The following APEH variants were observed in gnomAD, a reference collection of about 807,000 sequenced individuals.
The protein encoded by APEH is acylamino-acid-releasing enzyme.
APEH carries 75 observed loss-of-function variants against 102.7 expected under a neutral mutation model. The ratio of observed to expected loss-of-function variants is 0.73; its 90% CI spans 0.61 to 0.89. The LOEUF is 0.89. APEH is among the 40% of genes least tolerant of loss of function. APEH has a pLI of 0.00. For missense variants in APEH, 863 were observed against 941.2 expected (o/e 0.92, Z 1.09); for synonymous variants, 344 against 362.7 (o/e 0.95, Z 0.59).
chr3:49,682,620 T>C lies in APEH; in HGVS notation c.1767T>C (p.Gly589=). 1.2e-6 allele frequency: 2 copies of C among 1,614,124 alleles called. No individual in the cohort carries two copies. Among genetic ancestry groups the C allele is most frequent in the Middle Eastern group, 1.6e-4 (1 of 6,062 alleles). Residue 589 remains glycine (G), a synonymous_variant, in exon 19 of 22, where the codon GGT becomes GGC. Coordinates refer to ENST00000296456, the MANE Select transcript of APEH (RefSeq NM_001640.4). ...TGGCCCTTATGGGTGGTTCCCATGG[T>C]GGCTTCATTTCCTGCCACTTGATTG... is the stretch of plus-strand genomic sequence containing the variant. ...SHVALMGGSH[G]GFISCHLIGQ...
chr3:49,678,462 C>T (rs534899416), intron 11 of APEH, among the ~76,000 whole-genome samples: 1 of 152,278 alleles, frequency 6.6e-6, no homozygotes, highest in East Asian at 1.9e-4. Flanking sequence ...TTTACTGAGC[C>T]CCCTGTGCCA....
chr3:49,682,592 A>G lies in APEH; in HGVS notation c.1739A>G (p.His580Arg). Residue 580 changes from histidine to arginine, a missense_variant, in exon 19 of 22, where the codon CAT becomes CGT. Coordinates refer to ENST00000296456, the MANE Select transcript of APEH (RefSeq NM_001640.4). ...VLQEEHFDAS[H>R]VALMGGSHGG... Reference sequence around the variant, plus strand: ...CAGGAGGAACACTTTGATGCAAGCCATGTGGCCCTTATGGGTGGTTCCCAT... The same window carrying G: ...CAGGAGGAACACTTTGATGCAAGCCGTGTGGCCCTTATGGGTGGTTCCCAT... 6.2e-7 allele frequency: 1 copy of G among 1,614,174 alleles called. No individual in the cohort carries two copies. Among genetic ancestry groups the G allele is most frequent in the South Asian group, 1.1e-5 (1 of 91,086 alleles).
upstream of APEH, among the ~76,000 whole-genome samples, chr3:49,673,195 A>G (rs2052855264): frequency 1.4e-5 from 2 of 147,742 alleles, no homozygotes; most frequent in African/African-American, 5.1e-5. Context: ...TGGACTCTCA[A>G]TCACAAGCAC....
chr3:49,674,228 G>A (rs971026811), upstream of APEH: 24 of 843,272 alleles, frequency 2.8e-5, no homozygotes, highest in Non-Finnish European at 4.2e-5. Context: ...TCCTCTCACC[G>A]TCAAGGCCCG....
chr3:49,673,795 C>CCTCCCCCTCACG (rs2052880568), upstream of APEH, among the ~76,000 whole-genome samples: 1 of 136,980 alleles, frequency 7.3e-6, no homozygotes. Flanking sequence ...CCCGCCCAAC[C>CCTCCCCCTCACG]CTCACCCTCA....
rs148997471 is a variant in APEH at position 49,680,550 on chromosome 3, G to T, written c.1220G>T (p.Gly407Val). The T allele has an allele frequency of 1.1e-4, 185 of 1,614,096 alleles. No homozygotes were observed. The African/African-American group carries it at 2.1e-3, about 19-fold the overall frequency. Residue 407 changes from glycine (G) to valine (V), a missense_variant, in exon 14 of 22, where the codon GGT becomes GTT. Transcript: ENST00000296456. ...CATCTGCCTTTTCCAGGAGGGTCAGGTGGGAGCTGGAAGTTGCTCACAATT... is the reference window on the plus strand; with the variant it reads ...CATCTGCCTTTTCCAGGAGGGTCAGTTGGGAGCTGGAAGTTGCTCACAATT... Reference protein sequence around the residue: ...TVTSLTAGGSGGSWKLLTIDQ... With the variant: ...TVTSLTAGGSVGSWKLLTIDQ...
chr3:49,673,353 C>T (rs1203048263), upstream of APEH, among the ~76,000 whole-genome samples: 1 of 151,998 alleles, frequency 6.6e-6, no homozygotes, highest in Non-Finnish European at 1.5e-5. Context: ...GGGAACCTGC[C>T]TGCCTAGGTT....
intron 16 of APEH, 41 bp downstream of exon 16, chr3:49,681,846 C>T: frequency 6.2e-7 from 1 of 1,610,434 alleles, no homozygotes; most frequent in Non-Finnish European, 8.5e-7. Context: ...TCCCAGCCCT[C>T]TTCCTAGCTG....
At chr3:49,677,152 C>T (rs966872339) in intron 10 of APEH, 128 bp downstream of exon 10, 6 of 1,346,192 alleles carry the variant, frequency 4.5e-6, no homozygotes, top group East Asian at 2.3e-5. Flanking sequence ...AATGCAGCAG[C>T]GGTGTGAGTT....
At position 49,680,638 on chromosome 3, in the gene APEH, C is replaced by T. The variant is rs1051568043; in HGVS notation, c.1299+9C>T. The T allele has an allele frequency of 1.2e-5, 20 of 1,612,488 alleles. No individual in the cohort carries two copies. The East Asian group carries it at 1.3e-4, about 11-fold the overall frequency. On this transcript the variant is annotated intron_variant, in intron 14 of 21. Coordinates refer to ENST00000296456, the MANE Select transcript of APEH (RefSeq NM_001640.4). ...GCCTACCTCCAACCCTGGTGAGTGT[C>T]GGTGGGTCCCAGGCTGTGGAGGCAG... is the stretch of plus-strand genomic sequence containing the variant.
chr3:49,681,692 A>G (rs768638508), intron 15 of APEH, 30 bp from the exon 16 acceptor site: 1 of 1,524,292 alleles, frequency 6.6e-7, no homozygotes, highest in Admixed American at 1.9e-5. Flanking sequence ...CCCTAGGCTC[A>G]CCCTGCTGAC....
At position 49,677,504 on chromosome 3, in the gene APEH, G is replaced by A; in HGVS notation, c.1000-69G>A. On this transcript the variant is annotated intron_variant, in intron 10 of 21. Transcript: ENST00000296456. ...GGCTACCTGAGGCAAAAGGGGATAG[G>A]CACAGGGCACTGTGCCCTAAGGGAA... 2.1e-6 allele frequency: 3 copies of A among 1,408,296 alleles called. No individual in the cohort carries two copies. The South Asian group carries it at 3.5e-5, about 16-fold the overall frequency. The allele number at this position is 1,408,296 out of a possible 1,614,324, so 87.2% of individuals were successfully genotyped here.
In APEH at chr3:49,679,754, C is replaced by T. The variant is rs1282894083; in HGVS notation, c.1210+110C>T. 1.8e-6 allele frequency: 2 copies of T among 1,116,246 alleles called. No individual in the cohort carries two copies. The highest frequency in any genetic ancestry group is 1.5e-5 in the African/African-American group (1 of 64,984). The allele number at this position is 1,116,246 out of a possible 1,614,324, so 69.1% of individuals were successfully genotyped here. A position where few individuals can be genotyped will look rare whatever the true frequency, so the allele number is the denominator to read the frequency against. ...GGGGCAGTGATGGCATTCTCAGCCA[C>T]TCAGCACCACTGACTGTTCCACAGC... On this transcript the variant is annotated intron_variant, in intron 13 of 21. Coordinates refer to ENST00000296456, the MANE Select transcript of APEH (RefSeq NM_001640.4). This position sits in a 1 kb window ranked among gnomAD's most constrained non-coding sequence, Gnocchi z 4.3.
chr3:49,674,293 C>A, upstream of APEH: 1 of 1,387,812 alleles, frequency 7.2e-7, no homozygotes, highest in South Asian at 1.3e-5. Context: ...TCACAGATTG[C>A]CGCAGGGCAG....
rs1433305455 is a variant in APEH, at chr3:49,681,122, G to T, written c.1321G>T (p.Ala441Ser). Residue 441 changes from alanine to serine, a missense_variant, in exon 15 of 22, where the codon GCA becomes TCA. Ala to Ser is a moderately conservative substitution (Grantham distance 99, BLOSUM62 1). Transcript: ENST00000296456. ...GCAGAAAGTTGGGTTCCTGCCTTCT[G>T]CAGGGAAGGAGCAGTCAGTGTTGTG... is the stretch of plus-strand genomic sequence containing the variant. ...PTLKVGFLPS[A>S]GKEQSVLWVS... The T allele has an allele frequency of 2.5e-6, 4 of 1,596,186 alleles. No individual in the cohort carries two copies. Among genetic ancestry groups the T allele is most frequent in the Non-Finnish European group, 3.4e-6 (4 of 1,170,822 alleles).
chr3:49,679,057 A>G lies in APEH; in HGVS notation c.1158+108A>G, dbSNP rs2108123362. On this transcript the variant is annotated intron_variant, in intron 12 of 21. Coordinates refer to ENST00000296456, the MANE Select transcript of APEH (RefSeq NM_001640.4). This position sits in a 1 kb window ranked among gnomAD's most constrained non-coding sequence, Gnocchi z 4.3. ...GTGGAATGCCCAGCCACAAAGTCTC[A>G]TCAGCCCCTTAAAACCCTGCCTGCC... The G allele has an allele frequency of 1.1e-6, 1 of 895,852 alleles. No individual in the cohort carries two copies. Among genetic ancestry groups the G allele is most frequent in the Non-Finnish European group, 1.7e-6 (1 of 580,164 alleles). 55.5% of individuals were successfully genotyped at this position (895,852 alleles called of 1,614,324 possible). A position where few individuals can be genotyped will look rare whatever the true frequency, so the allele number is the denominator to read the frequency against.
Position 49,678,883 on chromosome 3 carries a change from G to C in APEH, c.1092G>C (p.Leu364=), listed in dbSNP as rs2053192297. The C allele has an allele frequency of 1.2e-6, 2 of 1,613,966 alleles. No homozygotes were observed. The highest frequency in any genetic ancestry group is 1.7e-6 in the Non-Finnish European group (2 of 1,179,976). The part of the protein sequence containing the change: ...ENFSGIYCSL[L]PLGCWSADSQ... ...TCTCTGGGATCTACTGCAGCCTTCTGCCTTTGGGATGCTGGTCAGCTGACA... is the reference window on the plus strand; with the variant it reads ...TCTCTGGGATCTACTGCAGCCTTCTCCCTTTGGGATGCTGGTCAGCTGACA... The change falls in exon 12 of 22, where the codon CTG becomes CTC. Residue 364 remains leucine, a synonymous_variant. Coordinates refer to ENST00000296456, the MANE Select transcript of APEH (RefSeq NM_001640.4).
At position 49,675,682 on chromosome 3, in the gene APEH, C is replaced by T. The variant is rs768976664; in HGVS notation, c.273-12C>T. ...CAAGATAATCCTGACCTGTGCTACC[C>T]CATGTCCACAGACTGCTGAGCAGAG... On this transcript the variant is annotated splice_polypyrimidine_tract_variant and intron_variant, in intron 3 of 21. Transcript: ENST00000296456. 6 of 1,610,084 alleles carry T rather than the reference C, an allele frequency of 3.7e-6. No homozygotes were observed. The Admixed American group carries it at 1.0e-4, about 27-fold the overall frequency.
Position 49,683,084 on chromosome 3 carries a change from T to C in APEH, c.2031T>C (p.Arg677=). The part of the protein sequence containing the change: ...LLLMLGQEDR[R]VPFKQGMEYY... ...TGATGTTGGGCCAGGAGGACCGGCGTGTGCCCTTCAAGCAGGGCATGGAGT... is the reference window on the plus strand; with the variant it reads ...TGATGTTGGGCCAGGAGGACCGGCGCGTGCCCTTCAAGCAGGGCATGGAGT... Residue 677 remains arginine, a synonymous_variant, in exon 21 of 22, where the codon CGT becomes CGC. Transcript: ENST00000296456. 1 of 1,614,008 alleles carries C rather than the reference T, an allele frequency of 6.2e-7. No homozygotes were observed. The highest frequency in any genetic ancestry group is 8.5e-7 in the Non-Finnish European group (1 of 1,180,026).
Sources: gnomAD v4.1 joint callset for allele counts (sites outside exome capture counted in the v4.1 genomes callset) on GRCh38, gnomAD v4.1.1 for gene constraint, Gnocchi (gnomAD v3.1) non-coding constraint, MANE v1.5 for transcripts, NCBI Gene and HGNC (gene_info 2026-07-23, HGNC 2026-07-21) for gene names.